ARHGAP18: variants seen among roughly 807,000 people sequenced by gnomAD.
ARHGAP18 encodes Rho GTPase activating protein 18.
ARHGAP18 carries 67 observed loss-of-function variants against 86.2 expected under a neutral mutation model. The observed-to-expected ratio is 0.78, with a 90% CI of 0.64 to 0.95. The LOEUF (loss-of-function observed/expected upper bound fraction) is 0.95, where lower values mean the gene tolerates loss of function less well. ARHGAP18 is among the 40% of genes least tolerant of loss of function. The pLI, the probability that ARHGAP18 is intolerant of heterozygous loss-of-function variation, is 0.00. For missense variants in ARHGAP18, 691 were observed against 780.4 expected, an observed-to-expected ratio of 0.89 and a Z score of 1.37; for synonymous variants, 283 against 280.4, an observed-to-expected ratio of 1.01 and a Z score of -0.09.
chr6:129,689,485 G>C (rs922481475), intron 1 of ARHGAP18, among the ~76,000 whole-genome samples: 1 of 152,050 alleles, frequency 6.6e-6, no homozygotes, highest in African/African-American at 2.4e-5. Flanking sequence ...TAGAGACAGG[G>C]TTTCACCATG....
intron 8 of ARHGAP18, among the ~76,000 whole-genome samples, chr6:129,610,963 G>C (rs1297043401): frequency 6.6e-6 from 1 of 151,980 alleles, no homozygotes. Context: ...GTGGGACAAT[G>C]ACAGCTCACT....
intron 11 of ARHGAP18, among the ~76,000 whole-genome samples, chr6:129,600,236 T>G (rs1788710493): frequency 6.6e-6 from 1 of 152,152 alleles, no homozygotes; most frequent in Non-Finnish European, 1.5e-5. Context: ...CATCCTCTGA[T>G]AAGCTGTCAA....
intron 11 of ARHGAP18, among the ~76,000 whole-genome samples, chr6:129,600,383 A>G (rs1325222231): frequency 6.6e-6 from 1 of 152,168 alleles, no homozygotes; most frequent in Admixed American, 6.5e-5. Flanking sequence ...CCAAGATAGC[A>G]TGGGCTTTTA....
chr6:129,588,470 A>T (rs1396108385), intron 12 of ARHGAP18, among the ~76,000 whole-genome samples: 1 of 152,230 alleles, frequency 6.6e-6, no homozygotes, highest in Non-Finnish European at 1.5e-5. Flanking sequence ...TCTCACATTC[A>T]GGTCATGCTG....
At chr6:129,691,599 C>A (rs1421707968) in intron 1 of ARHGAP18, among the ~76,000 whole-genome samples, 1 of 152,054 alleles carries the variant, frequency 6.6e-6, no homozygotes, top group Non-Finnish European at 1.5e-5. Flanking sequence ...ATTCTGTATT[C>A]GAGCGCTATC....
chr6:129,702,949 G>A (rs556012961), intron 1 of ARHGAP18, among the ~76,000 whole-genome samples: 73 of 152,194 alleles, frequency 4.8e-4, no homozygotes, highest in African/African-American at 1.6e-3. Flanking sequence ...GCAGTGAGCC[G>A]AGATTGCGCC....
At chr6:129,582,100 GAGA>G (rs1337119780) in intron 13 of ARHGAP18, among the ~76,000 whole-genome samples, 2 of 151,980 alleles carry the variant, frequency 1.3e-5, no homozygotes, top group Non-Finnish European at 2.9e-5. Context: ...GAGGTAAATG[GAGA>G]AGTTTACCAG....
At chr6:129,611,221 T>C (rs1217833770) in intron 8 of ARHGAP18, among the ~76,000 whole-genome samples, 7 of 152,162 alleles carry the variant, frequency 4.6e-5, no homozygotes, top group Non-Finnish European at 7.3e-5. Context: ...GTAAACTCAA[T>C]TGCTACTACT....
intron 1 of ARHGAP18, among the ~76,000 whole-genome samples, chr6:129,643,110 T>C (rs1773503882): frequency 6.6e-6 from 1 of 151,946 alleles, no homozygotes; most frequent in Non-Finnish European, 1.5e-5. Context: ...AACCTATATA[T>C]AATAAAATAA....
Position 129,625,376 on chromosome 6 carries a change from TTA to T in ARHGAP18, c.786+3975_786+3976del, listed in dbSNP as rs1216350831. 5.0e-5 allele frequency among the ~76,000 whole-genome samples: 4 copies of T among 79,236 alleles called. No homozygotes were observed. In the Admixed American group the frequency reaches 7.1e-4, roughly 14 times the overall value. 52.0% of individuals were successfully genotyped at this position (79,236 alleles called of 152,430 possible). ...TATATATTATGTATATTTATATATA[TTA>T]TATATTATATATTTATACATATGTA... On this transcript the variant is annotated intron_variant, in intron 5 of 14. Coordinates refer to ENST00000368149, the MANE Select transcript of ARHGAP18 (RefSeq NM_033515.3).
intron 1 of ARHGAP18, among the ~76,000 whole-genome samples, chr6:129,685,901 G>A (rs1274346247): frequency 6.6e-6 from 1 of 152,006 alleles, no homozygotes; most frequent in African/African-American, 2.4e-5. Context: ...AAGTCTTTTT[G>A]CAACAACCCT....
chr6:129,702,315 A>G (rs1168145408), intron 1 of ARHGAP18, among the ~76,000 whole-genome samples: 2 of 152,192 alleles, frequency 1.3e-5, no homozygotes, highest in Non-Finnish European at 2.9e-5. Context: ...AGATCTAGAC[A>G]TCCCTTCCGT....
chr6:129,622,862 G>A (rs1403166260), intron 5 of ARHGAP18, among the ~76,000 whole-genome samples: 6 of 151,822 alleles, frequency 4.0e-5, no homozygotes, highest in South Asian at 4.2e-4. Flanking sequence ...CTAGCCGGGC[G>A]TGGTGGCAGG....
At chr6:129,673,713 T>C (rs1489483685) in intron 1 of ARHGAP18, among the ~76,000 whole-genome samples, 1 of 152,208 alleles carries the variant, frequency 6.6e-6, no homozygotes. Flanking sequence ...TAACTCTTTT[T>C]AATGGTATCT....
intron 1 of ARHGAP18, among the ~76,000 whole-genome samples, chr6:129,698,533 CTT>C (rs59159724): frequency 0.027 from 3,732 of 138,000 alleles, 72 homozygotes; most frequent in Non-Finnish European, 0.032. Context: ...TGTTAAAGCA[CTT>C]TTTTTTTTTT....
At chr6:129,616,672 G>A (rs751964015) in intron 6 of ARHGAP18, among the ~76,000 whole-genome samples, 1 of 152,158 alleles carries the variant, frequency 6.6e-6, no homozygotes, top group Non-Finnish European at 1.5e-5. Flanking sequence ...TATTGGCCAG[G>A]TGCAGTGGCT....
intron 12 of ARHGAP18, among the ~76,000 whole-genome samples, chr6:129,586,498 A>T (rs774794132): frequency 3.9e-5 from 6 of 152,094 alleles, no homozygotes; most frequent in Non-Finnish European, 8.8e-5. Flanking sequence ...ATTGAGGTTA[A>T]AAGTTAGGAA....
rs543534637 is a variant in ARHGAP18 at position 129,667,177 on chromosome 6, A to G, written c.114-25159T>C. Among the ~76,000 whole-genome samples the G allele has an allele frequency of 2.0e-5, 3 of 152,204 alleles. 1 individual carries two copies. Among genetic ancestry groups the G allele is most frequent in the African/African-American group, 7.2e-5 (3 of 41,498 alleles). ...AAGTAGGGGAACCTACACTGCCCCA[A>G]TTTTACTAAGAAAAAAATATATTTT... On this transcript the variant is annotated intron_variant, in intron 1 of 14. Coordinates refer to ENST00000368149, the MANE Select transcript of ARHGAP18 (RefSeq NM_033515.3).
intron 1 of ARHGAP18, among the ~76,000 whole-genome samples, chr6:129,690,893 A>G (rs1050222165): frequency 1.3e-5 from 2 of 152,226 alleles, no homozygotes; most frequent in Admixed American, 1.3e-4. Flanking sequence ...TTTGAAATTG[A>G]AAATTCATTT....
Sources: gnomAD v4.1 joint callset for allele counts (sites outside exome capture counted in the v4.1 genomes callset) on GRCh38, gnomAD v4.1.1 for gene constraint, MANE v1.5 for transcripts, NCBI Gene and HGNC (gene_info 2026-07-23, HGNC 2026-07-21) for gene names.